The following GPHN variants were observed in gnomAD, a reference collection of about 807,000 sequenced individuals.
GPHN encodes the protein gephyrin.
Under a neutral mutation model 95.5 loss-of-function variants are expected in GPHN, and 17 were observed. That is an observed-to-expected ratio of 0.18 (90% confidence interval 0.12 to 0.27). GPHN has a LOEUF of 0.27. Among genes scored for constraint, GPHN ranks in the 10% least tolerant of loss-of-function variants. The pLI is 1.00. For missense variants in GPHN, 660 were observed against 978.1 expected (o/e 0.67, Z 4.34); for synonymous variants, 320 against 322.5 (o/e 0.99, Z 0.08).
At chr14:66,565,684 GATA>G (rs1469813463) in intron 1 of GPHN, among the ~76,000 whole-genome samples, 1 of 152,126 alleles carries the variant, frequency 6.6e-6, no homozygotes, top group Non-Finnish European at 1.5e-5. Flanking sequence ...TATATAAAGT[GATA>G]ATGATTATTA....
At chr14:67,598,236 A>G in the GPHN span, among the ~76,000 whole-genome samples, 1 of 152,214 alleles carries the variant, frequency 6.6e-6, no homozygotes, top group African/African-American at 2.4e-5. Context: ...AAAGTGTTGC[A>G]GTAGAGTTTA....
chr14:66,857,296 T>C lies in GPHN; in HGVS notation c.295-22643T>C, dbSNP rs555943321. ...TCAAAGAGATAATGACTATAAAGTTTACAGAACTAATGAAAAAACACAAAT... is the reference window on the plus strand; with the variant it reads ...TCAAAGAGATAATGACTATAAAGTTCACAGAACTAATGAAAAAACACAAAT... On this transcript the variant is annotated intron_variant, in intron 4 of 22. Transcript: ENST00000478722. 3.9e-5 allele frequency among the ~76,000 whole-genome samples: 6 copies of C among 152,236 alleles called. No individual in the cohort carries two copies. In the East Asian group the frequency reaches 1.2e-3, roughly 29 times the overall value.
intron 5 of GPHN, among the ~76,000 whole-genome samples, chr14:66,910,966 A>G (rs1462889373): frequency 2.6e-5 from 4 of 152,006 alleles, no homozygotes; most frequent in Admixed American, 2.0e-4. Context: ...AGTTTCACAA[A>G]CACAGTGTTG....
At chr14:66,527,021 T>C (rs951708753) in intron 1 of GPHN, among the ~76,000 whole-genome samples, 1 of 152,206 alleles carries the variant, frequency 6.6e-6, no homozygotes, top group African/African-American at 2.4e-5. Context: ...CCTCTTTTTC[T>C]ATTGTTTGCA....
intron 8 of GPHN, among the ~76,000 whole-genome samples, chr14:66,960,281 C>T (rs1431871620): frequency 2.1e-5 from 3 of 142,680 alleles, no homozygotes; most frequent in African/African-American, 2.6e-5. Flanking sequence ...TTTTTCTTTT[C>T]TTTTTTTTTT....
chr14:67,570,188 T>C, the GPHN span: 1 of 292,714 alleles, frequency 3.4e-6, no homozygotes, highest in Non-Finnish European at 5.1e-6. Flanking sequence ...TTATAAAAAT[T>C]CCACATTTAC....
intron 3 of GPHN, among the ~76,000 whole-genome samples, chr14:66,801,154 G>T (rs1438627045): frequency 6.6e-6 from 1 of 151,614 alleles, no homozygotes; most frequent in Admixed American, 6.6e-5. Context: ...TGTATTCTTT[G>T]TCTCAGTGGC....
chr14:67,539,962 G>C, the GPHN span, among the ~76,000 whole-genome samples: 9 of 152,302 alleles, frequency 5.9e-5, no homozygotes, highest in East Asian at 1.2e-3. Flanking sequence ...AGTCACATGC[G>C]AGGGGAGAAG....
the GPHN span, among the ~76,000 whole-genome samples, chr14:67,252,080 C>G: frequency 9.2e-5 from 14 of 152,334 alleles, no homozygotes; most frequent in South Asian, 2.5e-3. Context: ...CTCTTTGCAT[C>G]TCTTCCATTT....
chr14:67,223,941 T>A, the GPHN span: 7 of 985,180 alleles, frequency 7.1e-6, no homozygotes, highest in African/African-American at 1.7e-5. Flanking sequence ...AAATTAAAAA[T>A]GAGTCCGTAA....
chr14:67,674,399 G>A, the GPHN span: 5 of 1,602,372 alleles, frequency 3.1e-6, no homozygotes, highest in Non-Finnish European at 4.3e-6. Context: ...CCCAGCAGCC[G>A]CTCGGGCACC....
chr14:66,594,518 T>G (rs2061890187), intron 1 of GPHN, among the ~76,000 whole-genome samples: 1 of 152,062 alleles, frequency 6.6e-6, no homozygotes, highest in Non-Finnish European at 1.5e-5. Context: ...ATCCACACAT[T>G]TATCGCCAAT....
the GPHN span, among the ~76,000 whole-genome samples, chr14:67,684,203 T>C: frequency 1.3e-5 from 2 of 152,254 alleles, no homozygotes; most frequent in South Asian, 2.1e-4. Context: ...TATAGGCCTC[T>C]CATAATCTGT....
chr14:66,726,861 A>C (rs1265675137), intron 2 of GPHN, among the ~76,000 whole-genome samples: 1 of 152,242 alleles, frequency 6.6e-6, no homozygotes, highest in Non-Finnish European at 1.5e-5. Flanking sequence ...TATTTCAAGC[A>C]CAAAATTATT....
At chr14:67,657,598 G>GTGCACA in the GPHN span, among the ~76,000 whole-genome samples, 1 of 112,372 alleles carries the variant, frequency 8.9e-6, no homozygotes. Flanking sequence ...GCGCGCGCGT[G>GTGCACA]CACACACACA....
chr14:67,370,223 G>A, the GPHN span, among the ~76,000 whole-genome samples: 5 of 152,218 alleles, frequency 3.3e-5, no homozygotes, highest in South Asian at 4.1e-4. Context: ...CAACCTTCCA[G>A]CTTGGGCGTT....
chr14:67,475,170 C>A, the GPHN span, among the ~76,000 whole-genome samples: 1 of 152,220 alleles, frequency 6.6e-6, no homozygotes, highest in Non-Finnish European at 1.5e-5. Flanking sequence ...CCGCCTTGGC[C>A]TCCCAAAGTG....
chr14:67,133,662 T>C (rs1349630314), intron 17 of GPHN, among the ~76,000 whole-genome samples: 2 of 152,160 alleles, frequency 1.3e-5, no homozygotes, highest in Non-Finnish European at 2.9e-5. Context: ...AAAGATGTCA[T>C]ACCCTCTGAA....
chr14:67,559,480 G>C, the GPHN span: 2 of 628,212 alleles, frequency 3.2e-6, no homozygotes, highest in Non-Finnish European at 5.8e-6. Flanking sequence ...TTCAACAAAC[G>C]ATTTCTGCTC....
Sources: gnomAD v4.1 joint callset for allele counts (sites outside exome capture counted in the v4.1 genomes callset) on GRCh38, gnomAD v4.1.1 for gene constraint, MANE v1.5 for transcripts, NCBI Gene and HGNC (gene_info 2026-07-23, HGNC 2026-07-21) for gene names.